MRAP2: variants seen among roughly 807,000 people sequenced by gnomAD.
MRAP2 encodes the protein melanocortin 2 receptor accessory protein 2.
MRAP2 carries 20 observed loss-of-function variants against 17.4 expected under a neutral mutation model. The ratio of observed to expected loss-of-function variants is 1.15; its 90% confidence interval spans 0.81 to 1.67. The LOEUF is 1.67. MRAP2 is among the 40% of genes most tolerant of loss of function. The pLI is 0.00. For missense variants in MRAP2, 238 were observed against 240.0 expected, an observed-to-expected ratio of 0.99 and a Z score of 0.05; for synonymous variants, 96 against 88.4, an observed-to-expected ratio of 1.09 and a Z score of -0.48.
chr6:84,063,215 G>T lies in MRAP2; in HGVS notation c.227+223G>T, dbSNP rs1002476465. Reference sequence around the variant, plus strand: ...TTCAAGTGGACTTTTATGAAATTGGGTTTCTTGGTCCTTTCCTACAGTCTT... The same window carrying T: ...TTCAAGTGGACTTTTATGAAATTGGTTTTCTTGGTCCTTTCCTACAGTCTT... On this transcript the variant is annotated intron_variant, in intron 3 of 3. Transcript: ENST00000257776. The T allele has an allele frequency of 6.1e-6, 6 of 985,232 alleles. No homozygotes were observed. The African/African-American group carries it at 1.0e-4, about 17-fold the overall frequency. The allele number at this position is 985,232 out of a possible 1,614,324, so 61.0% of individuals were successfully genotyped here. A position where few individuals can be genotyped will look rare whatever the true frequency, so the allele number is the denominator to read the frequency against.
At chr6:84,132,829 T>C in the MRAP2 span, among the ~76,000 whole-genome samples, 1 of 152,146 alleles carries the variant, frequency 6.6e-6, no homozygotes, top group Non-Finnish European at 1.5e-5. Flanking sequence ...TTACTGATCT[T>C]CTGAGGCCTA....
intron 1 of MRAP2, chr6:84,035,439 G>T (rs369680681): frequency 2.0e-6 from 2 of 983,806 alleles, no homozygotes; most frequent in Non-Finnish European, 2.4e-6. Flanking sequence ...TATAGATCAG[G>T]GTATGCTGTA....
the MRAP2 span, among the ~76,000 whole-genome samples, chr6:84,140,341 G>A: frequency 8.5e-5 from 13 of 152,280 alleles, no homozygotes; most frequent in African/African-American, 3.1e-4. Context: ...ATGACTGGAG[G>A]TGTCTCTGTG....
At chr6:84,119,120 C>T in the MRAP2 span, among the ~76,000 whole-genome samples, 1 of 152,128 alleles carries the variant, frequency 6.6e-6, no homozygotes, top group African/African-American at 2.4e-5. Flanking sequence ...AGTATGATGC[C>T]TTGAGCTTTG....
At chr6:84,077,010 C>T (rs1195946005) in intron 3 of MRAP2, among the ~76,000 whole-genome samples, 1 of 152,130 alleles carries the variant, frequency 6.6e-6, no homozygotes, top group Non-Finnish European at 1.5e-5. Flanking sequence ...GACAAGCCCA[C>T]AGATATAGCT....
intron 3 of MRAP2, among the ~76,000 whole-genome samples, chr6:84,065,136 T>C (rs2099494320): frequency 6.6e-6 from 1 of 151,902 alleles, no homozygotes; most frequent in African/African-American, 2.4e-5. Flanking sequence ...AATACAAAAA[T>C]CAGCCGGGCA....
chr6:84,077,452 C>A (rs2099497902), intron 3 of MRAP2, among the ~76,000 whole-genome samples: 3 of 152,130 alleles, frequency 2.0e-5, no homozygotes, highest in South Asian at 4.1e-4. Flanking sequence ...AACTGAAGGG[C>A]TTTTGGCCCT....
chr6:84,089,599 CAG>C lies in MRAP2; in HGVS notation c.*123_*124del, dbSNP rs2129176964. ...GGAGAGAGAGACATAGAGATAGAGA[CAG>C]AGAGGCAGAGAAGAGACCCCTTTAG... On this transcript the variant is annotated 3_prime_UTR_variant, in exon 4 of 4. Coordinates refer to ENST00000257776, the MANE Select transcript of MRAP2 (RefSeq NM_138409.4). The C allele has an allele frequency of 8.5e-7, 1 of 1,177,592 alleles. No individual in the cohort carries two copies. The highest frequency in any genetic ancestry group is 1.5e-5 in the South Asian group (1 of 64,926). 72.9% of individuals were successfully genotyped at this position (1,177,592 alleles called of 1,614,324 possible).
In MRAP2 at chr6:84,083,041, C is replaced by T. The variant is rs1047144959; in HGVS notation, c.228-6050C>T. 1.1e-4 allele frequency among the ~76,000 whole-genome samples: 17 copies of T among 152,036 alleles called. No individual in the cohort carries two copies. The East Asian group carries it at 2.7e-3, about 24-fold the overall frequency. ...CCAACCGAGATTAATTCAGATTGTG[C>T]GACCCGACCCCGGCCAATAGAAAAA... On this transcript the variant is annotated intron_variant, in intron 3 of 3. Transcript: ENST00000257776.
chr6:84,103,679 G>T, the MRAP2 span, among the ~76,000 whole-genome samples: 4 of 152,198 alleles, frequency 2.6e-5, no homozygotes, highest in Non-Finnish European at 5.9e-5. Flanking sequence ...AACCATTCCA[G>T]ACTTTTCTCC....
chr6:84,120,995 C>T, the MRAP2 span, among the ~76,000 whole-genome samples: 1 of 151,970 alleles, frequency 6.6e-6, no homozygotes, highest in East Asian at 1.9e-4. Flanking sequence ...AATGCAAAAA[C>T]TCAATTTTTC....
downstream of MRAP2, among the ~76,000 whole-genome samples, chr6:84,095,132 G>A (rs73750509): frequency 0.13 from 19,811 of 152,128 alleles, 1,330 homozygotes; most frequent in Middle Eastern, 0.23. Flanking sequence ...GCACACAGTG[G>A]GTTGGCATCA....
chr6:84,119,078 C>T, the MRAP2 span, among the ~76,000 whole-genome samples: 1 of 152,088 alleles, frequency 6.6e-6, no homozygotes, highest in Non-Finnish European at 1.5e-5. Context: ...GTTTTGATTA[C>T]TGTACTTTTG....
At chr6:84,063,767 G>A (rs1267825970) in intron 3 of MRAP2, among the ~76,000 whole-genome samples, 1 of 152,056 alleles carries the variant, frequency 6.6e-6, no homozygotes, top group Non-Finnish European at 1.5e-5. Flanking sequence ...AGAGTTTTTG[G>A]CCGGTATGGT....
At chr6:84,111,177 C>G in the MRAP2 span, among the ~76,000 whole-genome samples, 3 of 152,096 alleles carry the variant, frequency 2.0e-5, no homozygotes, top group Admixed American at 6.6e-5. Flanking sequence ...AGCATTCAAT[C>G]TATAAATTAC....
the MRAP2 span, among the ~76,000 whole-genome samples, chr6:84,117,007 C>A: frequency 6.6e-6 from 1 of 150,936 alleles, no homozygotes; most frequent in Non-Finnish European, 1.5e-5. Context: ...TTTTCTTTCT[C>A]TTTTTTCTTC....
the MRAP2 span, among the ~76,000 whole-genome samples, chr6:84,126,791 T>G: frequency 8.9e-3 from 1,348 of 152,134 alleles, 20 homozygotes; most frequent in African/African-American, 0.031. Flanking sequence ...GTTGGCACTT[T>G]CTTTAATGCA....
At chr6:84,128,015 T>C in the MRAP2 span, among the ~76,000 whole-genome samples, 1 of 152,216 alleles carries the variant, frequency 6.6e-6, no homozygotes, top group Non-Finnish European at 1.5e-5. Flanking sequence ...GCCTTATATA[T>C]GTTTACTGTC....
chr6:84,109,395 G>T, the MRAP2 span, among the ~76,000 whole-genome samples: 1 of 151,880 alleles, frequency 6.6e-6, no homozygotes, highest in Admixed American at 6.6e-5. Context: ...TCATTCCCTT[G>T]TTAGCTATTC....
Sources: gnomAD v4.1 joint callset for allele counts (sites outside exome capture counted in the v4.1 genomes callset) on GRCh38, gnomAD v4.1.1 for gene constraint, MANE v1.5 for transcripts, NCBI Gene and HGNC (gene_info 2026-07-23, HGNC 2026-07-21) for gene names.